The following SMARCA2 variants were observed in gnomAD, a reference collection of about 807,000 sequenced individuals.
The protein encoded by SMARCA2 is SWI/SNF-related matrix-associated actin-dependent regulator of chromatin subfamily A member 2.
In SMARCA2, 61 loss-of-function variants were observed where a neutral mutation model predicts 199.8. That is an observed-to-expected ratio of 0.31 (90% CI 0.25 to 0.38). The LOEUF is 0.38. Ranked by LOEUF, SMARCA2 falls within the 10% of genes least tolerant of loss-of-function variation. The pLI is 1.00. For missense variants in SMARCA2, 1,344 were observed against 2,012.2 expected, an observed-to-expected ratio of 0.67 and a Z score of 6.35; for synonymous variants, 935 against 732.0, an observed-to-expected ratio of 1.28 and a Z score of -4.48.
chr9:2,090,330 T>C (rs761526105), intron 19 of SMARCA2, among the ~76,000 whole-genome samples: 34 of 152,186 alleles, frequency 2.2e-4, no homozygotes, highest in Non-Finnish European at 3.8e-4. Context: ...ATACTCAGTG[T>C]GTGGTATTAT....
chr9:2,157,444 C>G (rs556126252), intron 27 of SMARCA2, among the ~76,000 whole-genome samples: 2 of 152,308 alleles, frequency 1.3e-5, no homozygotes, highest in Admixed American at 6.5e-5. Flanking sequence ...TCCCAGGGTC[C>G]TCTTCTGGAA....
chr9:2,089,919 G>C (rs7863631), intron 19 of SMARCA2, among the ~76,000 whole-genome samples: 1 of 151,916 alleles, frequency 6.6e-6, no homozygotes, highest in Non-Finnish European at 1.5e-5. Context: ...TTTACAAGAG[G>C]TATAAAATAA....
In SMARCA2 at chr9:2,039,611, C is replaced by A; in HGVS notation, c.501C>A (p.Pro167=). 1 of 1,614,188 alleles carries A rather than the reference C, an allele frequency of 6.2e-7. No individual in the cohort carries two copies. The highest frequency in any genetic ancestry group is 8.5e-7 in the Non-Finnish European group (1 of 1,180,048). Residue 167 remains proline, a synonymous_variant, in exon 4 of 34, where the codon CCC becomes CCA. Coordinates refer to ENST00000349721, the MANE Select transcript of SMARCA2 (RefSeq NM_003070.5). The surrounding 1 kb of genome is among the most constrained non-coding windows in gnomAD (Gnocchi z 4.8). ...IPGDPQAMSQ[P]NRGPSPFSPV... ...GTGATCCGCAGGCCATGAGCCAGCC[C>A]AACAGAGGTCCCTCACCTTTCAGTC...
At chr9:2,175,001 G>C (rs1157213498) in intron 29 of SMARCA2, among the ~76,000 whole-genome samples, 1 of 150,038 alleles carries the variant, frequency 6.7e-6, no homozygotes, top group Non-Finnish European at 1.5e-5. Flanking sequence ...TTCAGTGGAA[G>C]GGAACGTGTG....
chr9:2,058,431 G>A lies in SMARCA2; in HGVS notation c.1488G>A (p.Glu496=), dbSNP rs761327709. 1.2e-6 allele frequency: 2 copies of A among 1,614,192 alleles called. No homozygotes were observed. Among genetic ancestry groups the A allele is most frequent in the East Asian group, 2.2e-5 (1 of 44,892 alleles). The change falls in exon 8 of 34, where the codon GAG becomes GAA. Residue 496 remains glutamate (E), a synonymous_variant. Coordinates refer to ENST00000349721, the MANE Select transcript of SMARCA2 (RefSeq NM_003070.5). ...AAAGAGAGCAGAAGAAGGAGACAGA[G>A]CGGATTGAAAAGGAGAGAATGCGGC... ...NTEREQKKET[E]RIEKERMRRL...
intron 1 of SMARCA2, among the ~76,000 whole-genome samples, chr9:2,025,904 C>T (rs1282368301): frequency 2.0e-5 from 3 of 152,118 alleles, no homozygotes; most frequent in African/African-American, 7.2e-5. Flanking sequence ...ACAGCAGATC[C>T]TAGGGCAGCC....
At chr9:2,184,379 GTCTCAC>G (rs1345911190) in intron 31 of SMARCA2, among the ~76,000 whole-genome samples, 2 of 139,960 alleles carry the variant, frequency 1.4e-5, no homozygotes, top group Non-Finnish European at 3.0e-5. Flanking sequence ...TTGAGATGGA[GTCTCAC>G]TCTGTTGCCC....
Position 2,123,672 on chromosome 9 carries a change from C to T in SMARCA2, c.3763-47C>T. 1 of 1,533,892 alleles carries T rather than the reference C, an allele frequency of 6.5e-7. No homozygotes were observed. The highest frequency in any genetic ancestry group is 1.1e-5 in the South Asian group (1 of 87,766). ...TTGTGTAGTGCTGGGAAGTCTGCACCATACAGAAGCCCTGACTTTCGGTGA... is the reference window on the plus strand; with the variant it reads ...TTGTGTAGTGCTGGGAAGTCTGCACTATACAGAAGCCCTGACTTTCGGTGA... On this transcript the variant is annotated intron_variant, in intron 26 of 33. Coordinates refer to ENST00000349721, the MANE Select transcript of SMARCA2 (RefSeq NM_003070.5). The surrounding 1 kb of genome is among the most constrained non-coding windows in gnomAD (Gnocchi z 4.1).
intron 19 of SMARCA2, among the ~76,000 whole-genome samples, chr9:2,093,752 A>G (rs1822158375): frequency 6.6e-6 from 1 of 152,194 alleles, no homozygotes; most frequent in Non-Finnish European, 1.5e-5. Flanking sequence ...CAGCCACATC[A>G]TGGTACATGG....
intron 6 of SMARCA2, 135 bp downstream of exon 6, chr9:2,054,858 T>A: frequency 1.1e-6 from 1 of 883,312 alleles, no homozygotes; most frequent in African/African-American, 1.7e-5. Context: ...AAATAGTGAA[T>A]CTTTTAGACC....
At chr9:2,191,190 G>GTGA in intron 32 of SMARCA2, 76 bp from the exon 33 acceptor site, 6 of 1,389,824 alleles carry the variant, frequency 4.3e-6, no homozygotes, top group East Asian at 2.3e-5. Flanking sequence ...CTGTAGGTTG[G>GTGA]TGATAGTCTT....
intron 31 of SMARCA2, among the ~76,000 whole-genome samples, chr9:2,183,730 A>C (rs999213188): frequency 6.6e-6 from 1 of 152,208 alleles, no homozygotes. Flanking sequence ...GAGGTCTTGA[A>C]AGCAAGCCTT....
intron 3 of SMARCA2, among the ~76,000 whole-genome samples, chr9:2,037,810 T>C (rs1347563242): frequency 6.6e-6 from 1 of 152,228 alleles, no homozygotes; most frequent in Non-Finnish European, 1.5e-5. Flanking sequence ...TTTGACTTGA[T>C]TAATTGGCAC....
At chr9:2,109,095 C>T (rs1004188653) in intron 23 of SMARCA2, among the ~76,000 whole-genome samples, 3 of 152,112 alleles carry the variant, frequency 2.0e-5, no homozygotes, top group Non-Finnish European at 2.9e-5. Flanking sequence ...GAACTTGGCC[C>T]TCATAGTAAC....
chr9:2,149,213 G>GA (rs1273063007), intron 27 of SMARCA2, among the ~76,000 whole-genome samples: 1 of 151,176 alleles, frequency 6.6e-6, no homozygotes, highest in Admixed American at 6.6e-5. Context: ...GAAAATGAGA[G>GA]AGATGCAAAA....
At chr9:2,022,503 ATTG>A (rs1161941519) in intron 1 of SMARCA2, among the ~76,000 whole-genome samples, 3 of 152,172 alleles carry the variant, frequency 2.0e-5, no homozygotes, top group Non-Finnish European at 4.4e-5. Flanking sequence ...TCATTGTTGA[ATTG>A]TTGTTGCTAC....
chr9:2,053,543 C>G (rs538747023), intron 5 of SMARCA2, among the ~76,000 whole-genome samples: 3 of 152,206 alleles, frequency 2.0e-5, no homozygotes, highest in Admixed American at 2.0e-4. Flanking sequence ...ATAACTTTTA[C>G]CTTACAGAGG....
intron 29 of SMARCA2, among the ~76,000 whole-genome samples, chr9:2,177,039 A>T (rs188876046): frequency 3.3e-5 from 5 of 152,322 alleles, no homozygotes; most frequent in East Asian, 3.9e-4. Flanking sequence ...TGGAGTGCAG[A>T]TGCTTGTAAC....
intron 19 of SMARCA2, among the ~76,000 whole-genome samples, chr9:2,096,345 A>T (rs1822272828): frequency 6.6e-6 from 1 of 152,350 alleles, no homozygotes; most frequent in South Asian, 2.1e-4. Flanking sequence ...CATATTGAAC[A>T]TTTTTGAATT....
Sources: gnomAD v4.1 joint callset for allele counts (sites outside exome capture counted in the v4.1 genomes callset) on GRCh38, gnomAD v4.1.1 for gene constraint, Gnocchi (gnomAD v3.1) non-coding constraint, MANE v1.5 for transcripts, NCBI Gene and HGNC (gene_info 2026-07-23, HGNC 2026-07-21) for gene names.